NKAIN2: variants seen among roughly 807,000 people sequenced by gnomAD.
The protein encoded by NKAIN2 is sodium/potassium-transporting ATPase subunit beta-1-interacting protein 2.
Under a neutral mutation model 32.6 loss-of-function variants are expected in NKAIN2, and 14 were observed. That is an observed-to-expected ratio of 0.43 (90% CI 0.28 to 0.67). The LOEUF (loss-of-function observed/expected upper bound fraction) is 0.67. NKAIN2 is among the 30% of genes least tolerant of loss of function. The pLI is 0.17. For missense variants in NKAIN2, 198 were observed against 258.3 expected (o/e 0.77, Z 1.60); for synonymous variants, 80 against 87.2 (o/e 0.92, Z 0.46).
chr6:124,046,800 A>G (rs1395616532), intron 1 of NKAIN2, among the ~76,000 whole-genome samples: 1 of 151,922 alleles, frequency 6.6e-6, no homozygotes, highest in Middle Eastern at 3.2e-3. Context: ...TAGGAGTTCT[A>G]TGGTGTACAT....
intron 1 of NKAIN2, among the ~76,000 whole-genome samples, chr6:123,893,105 A>C (rs1348558051): frequency 6.6e-6 from 1 of 152,090 alleles, no homozygotes; most frequent in Admixed American, 6.5e-5. Flanking sequence ...ACTGAAACTC[A>C]TTAATATAGG....
chr6:124,362,523 C>A (rs898181916), intron 3 of NKAIN2, among the ~76,000 whole-genome samples: 4 of 151,952 alleles, frequency 2.6e-5, no homozygotes, highest in East Asian at 1.9e-4. Flanking sequence ...GTTCATGAAC[C>A]TTTCTTATTC....
intron 4 of NKAIN2, among the ~76,000 whole-genome samples, chr6:124,738,807 T>G (rs1302144210): frequency 1.3e-5 from 2 of 151,908 alleles, no homozygotes; most frequent in Non-Finnish European, 2.9e-5. Flanking sequence ...GAGCTCACCA[T>G]AAATGTTACA....
At chr6:124,688,473 T>C (rs1006431378) in intron 4 of NKAIN2, among the ~76,000 whole-genome samples, 2 of 152,104 alleles carry the variant, frequency 1.3e-5, no homozygotes, top group Non-Finnish European at 2.9e-5. Flanking sequence ...GAATCTGCAT[T>C]GAGACATCAT....
intron 1 of NKAIN2, among the ~76,000 whole-genome samples, chr6:124,169,589 G>A (rs1207331499): frequency 6.6e-6 from 1 of 152,142 alleles, no homozygotes; most frequent in African/African-American, 2.4e-5. Flanking sequence ...AAATAATTAA[G>A]CACCTCACCA....
At chr6:124,702,326 CT>C (rs1026659931) in intron 4 of NKAIN2, among the ~76,000 whole-genome samples, 1 of 151,898 alleles carries the variant, frequency 6.6e-6, no homozygotes, top group Non-Finnish European at 1.5e-5. Flanking sequence ...AAATCCAAAA[CT>C]TTTTTGAGTG....
intron 3 of NKAIN2, among the ~76,000 whole-genome samples, chr6:124,647,393 A>G (rs1784213319): frequency 6.7e-6 from 1 of 149,958 alleles, no homozygotes; most frequent in South Asian, 2.1e-4. Flanking sequence ...CTAAAAATAG[A>G]AAAATTAGCC....
rs1296492902 is a variant in NKAIN2, at chr6:124,314,747, G to T, written c.192+31605G>T. 5.9e-5 allele frequency among the ~76,000 whole-genome samples: 9 copies of T among 152,180 alleles called. No individual in the cohort carries two copies. In the East Asian group the frequency reaches 1.7e-3, roughly 29 times the overall value. The stretch of plus-strand genomic sequence containing the variant: ...GCAATGCCCAGTGAGACTGCTGTGA[G>T]CCCTCAACAGCTAATATTTCCAGCA... On this transcript the variant is annotated intron_variant, in intron 2 of 6. Transcript: ENST00000368417.
chr6:124,059,464 C>T (rs1385165536), intron 1 of NKAIN2, among the ~76,000 whole-genome samples: 1 of 152,128 alleles, frequency 6.6e-6, no homozygotes, highest in Non-Finnish European at 1.5e-5. Context: ...TTACACCTGT[C>T]ACCATCCTCC....
chr6:123,905,585 C>A (rs990335111), intron 1 of NKAIN2, among the ~76,000 whole-genome samples: 2 of 151,952 alleles, frequency 1.3e-5, no homozygotes, highest in Admixed American at 6.6e-5. Context: ...ATGTGAGAGA[C>A]CTATAGAGGT....
At chr6:124,226,167 T>C (rs888735396) in intron 1 of NKAIN2, among the ~76,000 whole-genome samples, 21 of 152,088 alleles carry the variant, frequency 1.4e-4, no homozygotes, top group Non-Finnish European at 2.4e-4. Flanking sequence ...TTTTTTCCTA[T>C]GTAAGCTGTT....
At chr6:124,460,979 T>C (rs541041801) in intron 3 of NKAIN2, among the ~76,000 whole-genome samples, 3 of 151,802 alleles carry the variant, frequency 2.0e-5, no homozygotes, top group African/African-American at 4.8e-5. Flanking sequence ...TTCTCAGTAA[T>C]GTATTTTTTA....
chr6:124,283,231 C>G, intron 2 of NKAIN2, 89 bp downstream of exon 2: 1 of 862,668 alleles, frequency 1.2e-6, no homozygotes. Context: ...TGTGTATAAT[C>G]TATCTTAAAG....
chr6:124,033,047 TTAA>T (rs1781471689), intron 1 of NKAIN2, among the ~76,000 whole-genome samples: 1 of 152,124 alleles, frequency 6.6e-6, no homozygotes, highest in South Asian at 2.1e-4. Flanking sequence ...TAGACACTTT[TTAA>T]TATAAAATGC....
chr6:124,749,388 T>A (rs2086526893), intron 4 of NKAIN2, among the ~76,000 whole-genome samples: 1 of 151,974 alleles, frequency 6.6e-6, no homozygotes, highest in Non-Finnish European at 1.5e-5. Context: ...TGTAACAGGT[T>A]CGCAGGTTAT....
At chr6:123,813,370 T>C (rs1316420603) in intron 1 of NKAIN2, among the ~76,000 whole-genome samples, 1 of 152,170 alleles carries the variant, frequency 6.6e-6, no homozygotes, top group Non-Finnish European at 1.5e-5. Flanking sequence ...GTCTATAAGC[T>C]AGCGATCAGG....
chr6:124,062,496 A>G (rs550622885), intron 1 of NKAIN2, among the ~76,000 whole-genome samples: 2 of 152,258 alleles, frequency 1.3e-5, no homozygotes, highest in East Asian at 3.9e-4. Flanking sequence ...TGGCACGAGC[A>G]TGGCTCACTT....
At chr6:124,229,493 T>TAGATAGAC (rs1314491126) in intron 1 of NKAIN2, among the ~76,000 whole-genome samples, 2 of 107,436 alleles carry the variant, frequency 1.9e-5, no homozygotes, top group South Asian at 3.2e-4. Context: ...GATAGATAGA[T>TAGATAGAC]AGATAGACAG....
chr6:123,884,189 C>A (rs193017820), intron 1 of NKAIN2, among the ~76,000 whole-genome samples: 4 of 152,024 alleles, frequency 2.6e-5, no homozygotes, highest in African/African-American at 4.8e-5. Flanking sequence ...TTAGCTCCCC[C>A]TTATAAGTGA....
Sources: gnomAD v4.1 joint callset for allele counts (sites outside exome capture counted in the v4.1 genomes callset) on GRCh38, gnomAD v4.1.1 for gene constraint, MANE v1.5 for transcripts, NCBI Gene and HGNC (gene_info 2026-07-23, HGNC 2026-07-21) for gene names.